The following HPSE2 variants were observed in gnomAD, a reference collection of about 807,000 sequenced individuals.
HPSE2 encodes the protein heparanase 2 (inactive), also known as inactive heparanase-2.
Under a neutral mutation model 60.5 loss-of-function variants are expected in HPSE2, and 38 were observed. The ratio of observed to expected loss-of-function variants is 0.63; its 90% CI spans 0.48 to 0.82. HPSE2 has a LOEUF of 0.82. Ranked by LOEUF, HPSE2 falls within the 40% of genes least tolerant of loss-of-function variation. HPSE2 has a pLI of 0.00. For missense variants in HPSE2, 713 were observed against 740.4 expected (o/e 0.96, Z 0.43); for synonymous variants, 295 against 293.2 (o/e 1.01, Z -0.06).
At chr10:98,723,725 C>T (rs1231661433) in intron 4 of HPSE2, among the ~76,000 whole-genome samples, 1 of 152,212 alleles carries the variant, frequency 6.6e-6, no homozygotes, top group Non-Finnish European at 1.5e-5. Flanking sequence ...TTACCCATTA[C>T]TTCTAGATTT....
intron 3 of HPSE2, among the ~76,000 whole-genome samples, chr10:98,907,265 C>T (rs1033522946): frequency 8.6e-5 from 13 of 151,958 alleles, no homozygotes; most frequent in Non-Finnish European, 1.5e-5. Flanking sequence ...TGTTGCTATC[C>T]GTGTCAAATA....
In HPSE2 at chr10:99,072,950, A is replaced by T. The variant is rs1431017294; in HGVS notation, c.610+71288T>A. On this transcript the variant is annotated intron_variant, in intron 3 of 11. Coordinates refer to ENST00000370552, the MANE Select transcript of HPSE2 (RefSeq NM_021828.5). ...CTCAAAAAAAAAAAAAAAAAAAAAA[A>T]AAAAAAAAAAAAAGACAAGAAACAA... Among the ~76,000 whole-genome samples, 44 of 144,638 alleles carry T rather than the reference A, an allele frequency of 3.0e-4. 1 individual carries two copies. Among genetic ancestry groups the T allele is most frequent in the Admixed American group, 6.9e-4 (10 of 14,524 alleles). 94.9% of individuals were successfully genotyped at this position (144,638 alleles called of 152,430 possible).
At chr10:99,283,033 A>G in the HPSE2 span, among the ~76,000 whole-genome samples, 1 of 152,030 alleles carries the variant, frequency 6.6e-6, no homozygotes, top group East Asian at 1.9e-4. Flanking sequence ...AAATACAAAA[A>G]AAATTAGCTG....
intron 3 of HPSE2, among the ~76,000 whole-genome samples, chr10:98,943,771 C>G (rs1022068794): frequency 6.6e-6 from 1 of 152,126 alleles, no homozygotes; most frequent in Non-Finnish European, 1.5e-5. Flanking sequence ...GAACTGAGGA[C>G]TGTTAAAAAC....
intron 9 of HPSE2, among the ~76,000 whole-genome samples, chr10:98,547,723 T>G (rs1943733883): frequency 6.6e-6 from 1 of 150,510 alleles, no homozygotes; most frequent in Non-Finnish European, 1.5e-5. Flanking sequence ...AGTTAATGGG[T>G]GCAGCACACC....
At chr10:98,544,963 A>C (rs949030136) in intron 9 of HPSE2, among the ~76,000 whole-genome samples, 1 of 152,032 alleles carries the variant, frequency 6.6e-6, no homozygotes, top group East Asian at 1.9e-4. Context: ...AAAAAATGAC[A>C]AAGGGGATAT....
chr10:99,180,863 C>G (rs1847733681), intron 2 of HPSE2, among the ~76,000 whole-genome samples: 2 of 135,358 alleles, frequency 1.5e-5, no homozygotes, highest in African/African-American at 5.9e-5. Context: ...GCACTCCAGC[C>G]TGGGCAACAA....
intron 3 of HPSE2, among the ~76,000 whole-genome samples, chr10:98,952,307 A>C (rs1490235958): frequency 1.5e-5 from 2 of 132,692 alleles, no homozygotes; most frequent in East Asian, 4.7e-4. Flanking sequence ...CGCTCAAAAG[A>C]ATTTGTTTGT....
chr10:99,008,254 A>G (rs997455238), intron 3 of HPSE2, among the ~76,000 whole-genome samples: 4 of 152,200 alleles, frequency 2.6e-5, no homozygotes, highest in African/African-American at 9.6e-5. Context: ...AGCATGAGTC[A>G]TTGTTTTCTT....
the HPSE2 span, among the ~76,000 whole-genome samples, chr10:99,279,910 C>T: frequency 5.3e-5 from 8 of 152,326 alleles, no homozygotes; most frequent in African/African-American, 1.4e-4. Flanking sequence ...TGAAAATTCA[C>T]ACTGGCACAT....
chr10:99,102,032 G>A (rs1455730599), intron 3 of HPSE2, among the ~76,000 whole-genome samples: 1 of 152,120 alleles, frequency 6.6e-6, no homozygotes, highest in African/African-American at 2.4e-5. Context: ...AGAGAAAGCA[G>A]GAAAGATCTA....
At chr10:98,509,187 AC>A (rs1486415447) in intron 9 of HPSE2, among the ~76,000 whole-genome samples, 1 of 151,944 alleles carries the variant, frequency 6.6e-6, no homozygotes. Context: ...AGTGGTGTGC[AC>A]CTGTAGTCCC....
intron 6 of HPSE2, among the ~76,000 whole-genome samples, chr10:98,671,313 G>C (rs558369687): frequency 1.5e-4 from 23 of 152,124 alleles, no homozygotes; most frequent in East Asian, 1.9e-4. Context: ...TGGAGTTAGA[G>C]AGCCAAGTCA....
chr10:99,243,039 A>T, the HPSE2 span, among the ~76,000 whole-genome samples: 1 of 152,196 alleles, frequency 6.6e-6, no homozygotes, highest in Non-Finnish European at 1.5e-5. Flanking sequence ...CACAGACTTT[A>T]TCTTCATAAT....
chr10:98,702,591 A>G (rs1948440028), intron 5 of HPSE2, among the ~76,000 whole-genome samples: 1 of 152,206 alleles, frequency 6.6e-6, no homozygotes, highest in Admixed American at 6.5e-5. Flanking sequence ...AGTCTCTCAG[A>G]CCACAGTGCA....
chr10:98,873,055 G>A (rs755568278), intron 3 of HPSE2, among the ~76,000 whole-genome samples: 1 of 151,974 alleles, frequency 6.6e-6, no homozygotes, highest in Non-Finnish European at 1.5e-5. Context: ...GAGCCATCAC[G>A]GTTACAAGGG....
intron 9 of HPSE2, among the ~76,000 whole-genome samples, chr10:98,598,738 T>G (rs897875072): frequency 1.3e-5 from 2 of 152,028 alleles, no homozygotes; most frequent in Admixed American, 6.5e-5. Context: ...TGGGTGGGTC[T>G]TGACCTTGGG....
the HPSE2 span, among the ~76,000 whole-genome samples, chr10:99,247,794 G>A: frequency 6.6e-6 from 1 of 152,146 alleles, no homozygotes; most frequent in Admixed American, 6.5e-5. Flanking sequence ...TTGGACCATG[G>A]GGGTGGATTT....
At chr10:99,033,651 T>A (rs1208048014) in intron 3 of HPSE2, among the ~76,000 whole-genome samples, 1 of 151,784 alleles carries the variant, frequency 6.6e-6, no homozygotes, top group Admixed American at 6.6e-5. Flanking sequence ...AGCATGGTGG[T>A]AGGCGCCCAT....
Sources: gnomAD v4.1 joint callset for allele counts (sites outside exome capture counted in the v4.1 genomes callset) on GRCh38, gnomAD v4.1.1 for gene constraint, MANE v1.5 for transcripts, NCBI Gene and HGNC (gene_info 2026-07-23, HGNC 2026-07-21) for gene names.